The following KLRB1 variants were observed in gnomAD, a reference collection of about 807,000 sequenced individuals.
KLRB1 encodes the protein killer cell lectin-like receptor subfamily B member 1.
A neutral mutation model predicts 33.5 loss-of-function variants in KLRB1; 27 were observed. That is an observed-to-expected ratio of 0.81 (90% CI 0.59 to 1.11). The LOEUF (loss-of-function observed/expected upper bound fraction) is 1.11. Among genes scored for constraint, KLRB1 ranks in the 50% most tolerant of loss-of-function variants. KLRB1 has a pLI of 0.00. For missense variants in KLRB1, 241 were observed against 254.1 expected, an observed-to-expected ratio of 0.95 and a Z score of 0.35; for synonymous variants, 64 against 88.9, an observed-to-expected ratio of 0.72 and a Z score of 1.58.
rs1864583707 is a variant in KLRB1 at position 9,604,945 on chromosome 12, C to T, written c.85+2810G>A. ...TGTTGGTTTGTTGCACCCGTTAACT[C>T]GTCATTTACATTAGGTATTTCTCCT... On this transcript the variant is annotated intron_variant, in intron 1 of 5. Transcript: ENST00000229402. Among the ~76,000 whole-genome samples, 4 of 151,916 alleles carry T rather than the reference C, an allele frequency of 2.6e-5. No homozygotes were observed. In the South Asian group the frequency reaches 6.2e-4, roughly 24 times the overall value.
rs1392909208 is a variant in KLRB1 at position 9,603,114 on chromosome 12, AG to A, written c.86-1516del. 5.3e-5 allele frequency among the ~76,000 whole-genome samples: 8 copies of A among 152,116 alleles called. No homozygotes were observed. The South Asian group carries it at 1.0e-3, about 20-fold the overall frequency. On this transcript the variant is annotated intron_variant, in intron 1 of 5. Transcript: ENST00000229402. ...TATTTAGGACATGCTGTATCAGTGG[AG>A]GGGGGCAGGGAGGAGTAGATACCTA...
intron 5 of KLRB1, among the ~76,000 whole-genome samples, chr12:9,597,129 G>A (rs1297164482): frequency 6.6e-6 from 1 of 151,950 alleles, no homozygotes; most frequent in Admixed American, 6.6e-5. Context: ...AATTATCTTA[G>A]GATAATGTAG....
intron 1 of KLRB1, 123 bp from the exon 2 acceptor site, chr12:9,601,722 C>G: frequency 1.5e-6 from 1 of 649,736 alleles, no homozygotes; most frequent in East Asian, 2.8e-5. Flanking sequence ...CAATTAGATT[C>G]AGCTTGGGGG....
At chr12:9,602,597 G>T (rs544362585) in intron 1 of KLRB1, among the ~76,000 whole-genome samples, 3 of 151,614 alleles carry the variant, frequency 2.0e-5, no homozygotes, top group East Asian at 1.9e-4. Context: ...GCTCTCATTT[G>T]GTTTTTAACA....
chr12:9,606,149 A>C (rs1691903750), intron 1 of KLRB1, among the ~76,000 whole-genome samples: 1 of 152,208 alleles, frequency 6.6e-6, no homozygotes, highest in Non-Finnish European at 1.5e-5. Flanking sequence ...AACTTTGAGA[A>C]TTCAATAGTT....
At chr12:9,601,960 G>C (rs780663569) in intron 1 of KLRB1, among the ~76,000 whole-genome samples, 1 of 152,308 alleles carries the variant, frequency 6.6e-6, no homozygotes, top group East Asian at 1.9e-4. Flanking sequence ...GTAAGTCAAA[G>C]CATTTTGTCC....
chr12:9,607,370 T>C (rs368260168), intron 1 of KLRB1, among the ~76,000 whole-genome samples: 50 of 86,446 alleles, frequency 5.8e-4, no homozygotes, highest in African/African-American at 1.2e-3. Context: ...CTTTCTTTCT[T>C]TCTTTCTTTC....
intron 5 of KLRB1, 29 bp from the exon 6 acceptor site, chr12:9,595,450 G>A: frequency 6.2e-7 from 1 of 1,605,274 alleles, no homozygotes; most frequent in Non-Finnish European, 8.5e-7. Flanking sequence ...GTCTGTCTTA[G>A]CATTTATGAT....
In KLRB1 at chr12:9,606,758, A is replaced by ATTTTTTTTTTTTTTTT. The variant is rs1285915836; in HGVS notation, c.85+996_85+997insAAAAAAAAAAAAAAAA. Among the ~76,000 whole-genome samples the ATTTTTTTTTTTTTTTT allele has an allele frequency of 1.2e-4, 8 of 65,900 alleles. 1 individual carries two copies. The highest frequency in any genetic ancestry group is 1.8e-4 in the African/African-American group (2 of 10,922). The allele number at this position is 65,900 out of a possible 152,430, so 43.2% of individuals were successfully genotyped here. A position where few individuals can be genotyped will look rare whatever the true frequency, so the allele number is the denominator to read the frequency against. ...AGTATATATATATATATATATATAT[A>ATTTTTTTTTTTTTTTT]TATTTTTTTTTTTTTTTTGAGATAG... On this transcript the variant is annotated intron_variant, in intron 1 of 5. Coordinates refer to ENST00000229402, the MANE Select transcript of KLRB1 (RefSeq NM_002258.3).
At chr12:9,605,151 T>TA (rs1864585960) in intron 1 of KLRB1, among the ~76,000 whole-genome samples, 1 of 152,202 alleles carries the variant, frequency 6.6e-6, no homozygotes, top group Admixed American at 6.5e-5. Flanking sequence ...TCCATGTCCC[T>TA]ACAAAGGACA....
intron 1 of KLRB1, among the ~76,000 whole-genome samples, chr12:9,604,937 C>T (rs748970844): frequency 1.1e-4 from 17 of 152,102 alleles, no homozygotes; most frequent in African/African-American, 3.6e-4. Flanking sequence ...TTGTTGCACC[C>T]GTTAACTCGT....
At chr12:9,602,299 T>A (rs969550180) in intron 1 of KLRB1, among the ~76,000 whole-genome samples, 5 of 152,232 alleles carry the variant, frequency 3.3e-5, no homozygotes, top group African/African-American at 1.2e-4. Flanking sequence ...AATTACTATA[T>A]AATGAATCTC....
At chr12:9,596,087 C>T (rs1864489829) in intron 5 of KLRB1, among the ~76,000 whole-genome samples, 1 of 152,156 alleles carries the variant, frequency 6.6e-6, no homozygotes, top group African/African-American at 2.4e-5. Flanking sequence ...AACAAAGGGA[C>T]AGGCTGTATT....
At chr12:9,602,754 T>C (rs1441447736) in intron 1 of KLRB1, among the ~76,000 whole-genome samples, 3 of 152,210 alleles carry the variant, frequency 2.0e-5, no homozygotes, top group Non-Finnish European at 4.4e-5. Context: ...TATTATTCCA[T>C]GTAAGTGATT....
chr12:9,598,661 A>G lies in KLRB1; in HGVS notation c.260-8T>C, dbSNP rs1198122898. The G allele has an allele frequency of 5.6e-6, 9 of 1,593,732 alleles. No homozygotes were observed. Among genetic ancestry groups the G allele is most frequent in the African/African-American group, 1.4e-5 (1 of 73,740 alleles). On this transcript the variant is annotated splice_region_variant and splice_polypyrimidine_tract_variant and intron_variant, in intron 3 of 5. Transcript: ENST00000229402. ...TTAAGAGACCCGGTCTCTCTAAAGTAAAAAACAGAAATAAGAAATAAATGT... is the reference window on the plus strand; with the variant it reads ...TTAAGAGACCCGGTCTCTCTAAAGTGAAAAACAGAAATAAGAAATAAATGT...
chr12:9,598,200 A>G (rs1392208351), intron 4 of KLRB1, 39 bp from the exon 5 acceptor site: 3 of 1,336,650 alleles, frequency 2.2e-6, no homozygotes, highest in African/African-American at 1.4e-5. Flanking sequence ...CTGCTTATCT[A>G]TTCCTGGTTT....
chr12:9,601,192 C>A (rs3933456), intron 2 of KLRB1, among the ~76,000 whole-genome samples: 52,733 of 148,702 alleles, frequency 0.35, 10,677 homozygotes, highest in South Asian at 0.52. Flanking sequence ...GTCTGCTGAC[C>A]CTCTCCCCAC....
chr12:9,599,064 C>T (rs1864517060), intron 3 of KLRB1, among the ~76,000 whole-genome samples: 1 of 152,118 alleles, frequency 6.6e-6, no homozygotes, highest in Non-Finnish European at 1.5e-5. Context: ...ATATAAAACT[C>T]ATGTAAAAAG....
At chr12:9,595,815 A>T (rs978263443) in intron 5 of KLRB1, among the ~76,000 whole-genome samples, 1 of 152,176 alleles carries the variant, frequency 6.6e-6, no homozygotes, top group Non-Finnish European at 1.5e-5. Context: ...AGGCATGGAG[A>T]TGAAATATGA....
Sources: gnomAD v4.1 joint callset for allele counts (sites outside exome capture counted in the v4.1 genomes callset) on GRCh38, gnomAD v4.1.1 for gene constraint, MANE v1.5 for transcripts, NCBI Gene and HGNC (gene_info 2026-07-23, HGNC 2026-07-21) for gene names.